RGS7BP: variants seen among roughly 807,000 people sequenced by gnomAD.
RGS7BP encodes the protein regulator of G protein signaling 7-binding protein.
RGS7BP carries 9 observed loss-of-function variants against 31.3 expected under a neutral mutation model. The observed-to-expected ratio is 0.29, with a 90% CI of 0.17 to 0.50. The LOEUF is 0.50. Ranked by LOEUF, RGS7BP falls within the 20% of genes least tolerant of loss-of-function variation. The pLI is 0.98. For missense variants in RGS7BP, 274 were observed against 322.0 expected, an observed-to-expected ratio of 0.85 and a Z score of 1.14; for synonymous variants, 115 against 120.1, an observed-to-expected ratio of 0.96 and a Z score of 0.28.
intron 2 of RGS7BP, among the ~76,000 whole-genome samples, chr5:64,559,376 G>A (rs1187346570): frequency 2.6e-5 from 4 of 152,166 alleles, no homozygotes; most frequent in Non-Finnish European, 5.9e-5. Flanking sequence ...CTTTTGGTTT[G>A]TGGAATTAGC....
In RGS7BP at chr5:64,527,926, AAG is replaced by A. The variant is rs1055036278; in HGVS notation, c.332+20057_332+20058del. ...TTCTAAATATTCTGTGGTAAATACT[AAG>A]AGAGAGAAAAAATCTATCCACACAT... On this transcript the variant is annotated intron_variant, in intron 2 of 5. Transcript: ENST00000334025. 2.0e-5 allele frequency among the ~76,000 whole-genome samples: 3 copies of A among 152,298 alleles called. No homozygotes were observed. In the East Asian group the frequency reaches 5.8e-4, roughly 29 times the overall value.
rs532313933 is a variant in RGS7BP, at chr5:64,534,135, A to G, written c.332+26258A>G. On this transcript the variant is annotated intron_variant, in intron 2 of 5. Transcript: ENST00000334025. ...AGATGACATTTGGGGTGAGATCTGA[A>G]TGGTAAAGGAGCCAGCCATGCGAAG... Among the ~76,000 whole-genome samples, 69 of 152,246 alleles carry G rather than the reference A, an allele frequency of 4.5e-4. 1 individual carries two copies. The highest frequency in any genetic ancestry group is 9.1e-4 in the Non-Finnish European group (62 of 68,022).
At chr5:64,567,324 T>G (rs1742195031) in intron 2 of RGS7BP, among the ~76,000 whole-genome samples, 1 of 152,146 alleles carries the variant, frequency 6.6e-6, no homozygotes, top group Non-Finnish European at 1.5e-5. Flanking sequence ...AACAATCGGG[T>G]ATTCTATAAC....
chr5:64,556,021 G>A (rs1366033934), intron 2 of RGS7BP, among the ~76,000 whole-genome samples: 1 of 152,024 alleles, frequency 6.6e-6, no homozygotes, highest in African/African-American at 2.4e-5. Flanking sequence ...TAGAGAATAG[G>A]TGTAGAAGTA....
chr5:64,512,430 T>C (rs879482869), intron 2 of RGS7BP, among the ~76,000 whole-genome samples: 14 of 152,188 alleles, frequency 9.2e-5, no homozygotes, highest in Middle Eastern at 3.2e-3. Context: ...GGGACCAGAC[T>C]GGCAGTCTGG....
At chr5:64,515,016 C>A (rs1412638821) in intron 2 of RGS7BP, among the ~76,000 whole-genome samples, 2 of 152,156 alleles carry the variant, frequency 1.3e-5, no homozygotes, top group Admixed American at 1.3e-4. Flanking sequence ...AAAATTAAAT[C>A]TAAAACTAAC....
At chr5:64,578,020 C>A (rs1742483215) in intron 3 of RGS7BP, among the ~76,000 whole-genome samples, 1 of 152,182 alleles carries the variant, frequency 6.6e-6, no homozygotes, top group Non-Finnish European at 1.5e-5. Flanking sequence ...TTTGTCTTTT[C>A]AGAACTGATT....
At chr5:64,582,228 A>C (rs2111919116) in intron 3 of RGS7BP, among the ~76,000 whole-genome samples, 1 of 152,318 alleles carries the variant, frequency 6.6e-6, no homozygotes, top group South Asian at 2.1e-4. Context: ...ACCAGATGAA[A>C]AGAGATTGCA....
At chr5:64,524,901 T>C (rs1168598519) in intron 2 of RGS7BP, among the ~76,000 whole-genome samples, 1 of 152,090 alleles carries the variant, frequency 6.6e-6, no homozygotes, top group Admixed American at 6.5e-5. Context: ...TCTGAAAGCT[T>C]GCAGTCCCCA....
chr5:64,527,794 G>GA (rs1310432583), intron 2 of RGS7BP, among the ~76,000 whole-genome samples: 1 of 152,030 alleles, frequency 6.6e-6, no homozygotes, highest in Non-Finnish European at 1.5e-5. Flanking sequence ...GAAGCCAAAT[G>GA]AAAAAATTAT....
At chr5:64,570,015 C>T (rs997899837) in intron 2 of RGS7BP, among the ~76,000 whole-genome samples, 6 of 151,982 alleles carry the variant, frequency 3.9e-5, no homozygotes, top group African/African-American at 1.2e-4. Flanking sequence ...TGACAAACCC[C>T]GAGTGTTTAT....
chr5:64,584,329 T>C (rs1278425520), intron 3 of RGS7BP, among the ~76,000 whole-genome samples: 1 of 152,232 alleles, frequency 6.6e-6, no homozygotes, highest in African/African-American at 2.4e-5. Flanking sequence ...TCATCTTATT[T>C]ACAAAATATG....
intron 2 of RGS7BP, among the ~76,000 whole-genome samples, chr5:64,540,575 T>G (rs986666104): frequency 6.6e-6 from 1 of 152,212 alleles, no homozygotes; most frequent in African/African-American, 2.4e-5. Flanking sequence ...TGGTATAAAT[T>G]TATAAAAGTA....
intron 4 of RGS7BP, 58 bp downstream of exon 4, chr5:64,594,915 G>C: frequency 6.4e-7 from 1 of 1,551,120 alleles, no homozygotes; most frequent in South Asian, 1.1e-5. Context: ...ATGTTCTTAG[G>C]GGCCACAGAG....
chr5:64,506,809 CTTTTT>C lies in RGS7BP; in HGVS notation c.165+31_165+35del, dbSNP rs36025131. On this transcript the variant is annotated intron_variant, in intron 1 of 5. Transcript: ENST00000334025. The surrounding 1 kb of genome is among the most constrained non-coding windows in gnomAD (Gnocchi z 4.6). Reference sequence around the variant, plus strand: ...AAGATGGTGGGTGAAAACTGCGCCTCTTTTTTTTTTTTTTTAATTGAGAGGGGGTG... The same window carrying C: ...AAGATGGTGGGTGAAAACTGCGCCTCTTTTTTTTTTAATTGAGAGGGGGTG... The C allele has an allele frequency of 3.8e-6, 5 of 1,326,952 alleles. No homozygotes were observed. The highest frequency in any genetic ancestry group is 1.6e-5 in the South Asian group (1 of 62,000). The allele number at this position is 1,326,952 out of a possible 1,614,324, so 82.2% of individuals were successfully genotyped here.
chr5:64,529,003 A>C (rs1749305018), intron 2 of RGS7BP, among the ~76,000 whole-genome samples: 1 of 152,108 alleles, frequency 6.6e-6, no homozygotes, highest in Non-Finnish European at 1.5e-5. Flanking sequence ...TTAACCAAAA[A>C]TACTTGCGGC....
At chr5:64,513,860 C>A (rs1278702827) in intron 2 of RGS7BP, among the ~76,000 whole-genome samples, 1 of 152,208 alleles carries the variant, frequency 6.6e-6, no homozygotes, top group African/African-American at 2.4e-5. Flanking sequence ...AAAGAATATA[C>A]TATCCATAAA....
chr5:64,603,642 T>C (rs1360707631), intron 5 of RGS7BP, among the ~76,000 whole-genome samples: 4 of 152,150 alleles, frequency 2.6e-5, no homozygotes, highest in Admixed American at 2.0e-4. Flanking sequence ...TAAATACGAA[T>C]TGGAAGTGTC....
chr5:64,544,595 G>A (rs1741605440), intron 2 of RGS7BP, among the ~76,000 whole-genome samples: 1 of 151,482 alleles, frequency 6.6e-6, no homozygotes, highest in Non-Finnish European at 1.5e-5. Context: ...GGTCACTTGA[G>A]CCCAGGAGTT....
Sources: gnomAD v4.1 joint callset for allele counts (sites outside exome capture counted in the v4.1 genomes callset) on GRCh38, gnomAD v4.1.1 for gene constraint, Gnocchi (gnomAD v3.1) non-coding constraint, MANE v1.5 for transcripts, NCBI Gene and HGNC (gene_info 2026-07-23, HGNC 2026-07-21) for gene names.